Variants in CDH8 observed in about 807,000 individuals in gnomAD.
CDH8 encodes the protein cadherin-8.
A neutral mutation model predicts 68.1 loss-of-function variants in CDH8; 17 were observed. That is an observed-to-expected ratio of 0.25 (90% CI 0.17 to 0.37). CDH8 has a LOEUF of 0.37. CDH8 is among the 10% of genes least tolerant of loss of function. The pLI is 1.00. For synonymous variants in CDH8, 372 were observed against 365.1 expected, an observed-to-expected ratio of 1.02 and a Z score of -0.21; for missense variants, 763 against 999.3, an observed-to-expected ratio of 0.76 and a Z score of 3.19.
rs566220958 is a variant in CDH8 at position 61,720,295 on chromosome 16, T to A, written c.1537-6337A>T. Among the ~76,000 whole-genome samples the A allele has an allele frequency of 2.6e-5, 4 of 151,078 alleles. No individual in the cohort carries two copies. The East Asian group carries it at 7.8e-4, about 29-fold the overall frequency. On this transcript the variant is annotated intron_variant, in intron 9 of 11. Transcript: ENST00000577390. ...AAAGCCTAGGCTTAAAATCTCTTAC[T>A]ACCTACAGTCAATTTGACTTTCTTT... is the stretch of plus-strand genomic sequence containing the variant.
intron 4 of CDH8, among the ~76,000 whole-genome samples, chr16:61,844,568 A>C (rs1962764457): frequency 6.6e-6 from 1 of 152,192 alleles, no homozygotes; most frequent in Admixed American, 6.5e-5. Context: ...TTTAGAGTTC[A>C]CGTGAAATGT....
chr16:62,016,462 A>G (rs1447835871), intron 2 of CDH8, among the ~76,000 whole-genome samples: 1 of 152,218 alleles, frequency 6.6e-6, no homozygotes, highest in Non-Finnish European at 1.5e-5. Context: ...GCTGTCTACC[A>G]TAAAGAGTAT....
intron 1 of CDH8, 64 bp downstream of exon 1, chr16:62,036,016 A>G (rs1211055048): frequency 6.6e-6 from 1 of 152,330 alleles, no homozygotes; most frequent in Non-Finnish European, 1.5e-5. Flanking sequence ...TTCCTATAAG[A>G]AACGGTCCCT....
At chr16:61,791,823 C>T (rs1961386617) in intron 7 of CDH8, among the ~76,000 whole-genome samples, 1 of 152,030 alleles carries the variant, frequency 6.6e-6, no homozygotes, top group Non-Finnish European at 1.5e-5. Flanking sequence ...ATGCAGAACT[C>T]AAATTTAGAG....
intron 2 of CDH8, among the ~76,000 whole-genome samples, chr16:62,003,558 C>T (rs927076863): frequency 1.3e-5 from 2 of 151,980 alleles, no homozygotes; most frequent in East Asian, 1.9e-4. Context: ...TATGTTTACT[C>T]TTAGATGGCT....
chr16:61,911,626 C>T (rs571159392), intron 2 of CDH8, among the ~76,000 whole-genome samples: 5 of 146,906 alleles, frequency 3.4e-5, no homozygotes. Flanking sequence ...TCCCTAAACC[C>T]CCCCCCACCA....
intron 2 of CDH8, among the ~76,000 whole-genome samples, chr16:61,928,465 T>C (rs1011805084): frequency 6.6e-6 from 1 of 152,180 alleles, no homozygotes; most frequent in African/African-American, 2.4e-5. Flanking sequence ...CTGTCCTGGG[T>C]AACTGCATCT....
intron 7 of CDH8, among the ~76,000 whole-genome samples, chr16:61,801,599 G>A (rs1392956855): frequency 6.6e-6 from 1 of 152,206 alleles, no homozygotes; most frequent in Non-Finnish European, 1.5e-5. Context: ...GCGCAGGCCA[G>A]TGGGTGCGTG....
At chr16:61,655,858 T>C in intron 10 of CDH8, 137 bp from the exon 11 acceptor site, 1 of 712,870 alleles carries the variant, frequency 1.4e-6, no homozygotes, top group Non-Finnish European at 2.3e-6. Context: ...GCTTTTTCCC[T>C]GACTCGTCTC....
chr16:61,768,382 CTCTCTCTCTCTCCCTT>C (rs1396828378), intron 8 of CDH8, among the ~76,000 whole-genome samples: 123 of 103,764 alleles, frequency 1.2e-3, no homozygotes, highest in Middle Eastern at 4.9e-3. Flanking sequence ...TTCTCTCTCT[CTCTCTCTCTCTCCCTT>C]TCTCTCTCTC....
At chr16:61,878,531 T>C (rs1963506020) in intron 3 of CDH8, among the ~76,000 whole-genome samples, 1 of 152,098 alleles carries the variant, frequency 6.6e-6, no homozygotes, top group East Asian at 1.9e-4. Context: ...AAACAAAAAC[T>C]TCCTCATAGA....
At chr16:61,887,780 T>TA (rs1319390844) in intron 3 of CDH8, among the ~76,000 whole-genome samples, 2 of 152,122 alleles carry the variant, frequency 1.3e-5, no homozygotes, top group Admixed American at 6.6e-5. Flanking sequence ...TTTTTTACTG[T>TA]AAAAAATGTG....
chr16:61,788,932 A>T (rs570485807), intron 8 of CDH8, among the ~76,000 whole-genome samples: 129 of 152,116 alleles, frequency 8.5e-4, no homozygotes, highest in Non-Finnish European at 1.4e-3. Flanking sequence ...TATTTTCCAC[A>T]TGTATGTATG....
intron 4 of CDH8, among the ~76,000 whole-genome samples, chr16:61,853,819 A>T (rs1434019408): frequency 6.6e-6 from 1 of 152,116 alleles, no homozygotes; most frequent in Non-Finnish European, 1.5e-5. Context: ...ATGCATTTTT[A>T]AAATCAACGT....
At chr16:61,919,034 G>T (rs1247973786) in intron 2 of CDH8, among the ~76,000 whole-genome samples, 3 of 147,268 alleles carry the variant, frequency 2.0e-5, no homozygotes, top group Non-Finnish European at 3.0e-5. Context: ...CTAACTGGGA[G>T]GCACCCCCCA....
intron 3 of CDH8, among the ~76,000 whole-genome samples, chr16:61,870,168 T>C (rs1196595859): frequency 6.6e-6 from 1 of 152,186 alleles, no homozygotes; most frequent in Non-Finnish European, 1.5e-5. Flanking sequence ...ATATCACATC[T>C]TGTTTTTATC....
At chr16:61,757,654 C>T (rs1214497128) in intron 8 of CDH8, among the ~76,000 whole-genome samples, 4 of 152,112 alleles carry the variant, frequency 2.6e-5, no homozygotes, top group Admixed American at 2.6e-4. Flanking sequence ...TTCTATCTCT[C>T]TTGGGGTACT....
chr16:61,737,925 A>C (rs1959745795), intron 8 of CDH8, among the ~76,000 whole-genome samples: 1 of 152,172 alleles, frequency 6.6e-6, no homozygotes, highest in South Asian at 2.1e-4. Flanking sequence ...AATTTCCAGC[A>C]AGCCAGAGTA....
intron 4 of CDH8, among the ~76,000 whole-genome samples, chr16:61,846,390 A>G (rs919052325): frequency 6.6e-6 from 1 of 152,078 alleles, no homozygotes; most frequent in African/African-American, 2.4e-5. Context: ...ATCTATTTCT[A>G]CCCCACACAT....
Sources: gnomAD v4.1 joint callset for allele counts (sites outside exome capture counted in the v4.1 genomes callset) on GRCh38, gnomAD v4.1.1 for gene constraint, MANE v1.5 for transcripts, NCBI Gene and HGNC (gene_info 2026-07-23, HGNC 2026-07-21) for gene names.